Variants in TAB2 observed in about 807,000 individuals in gnomAD.
TAB2 encodes TGF-beta activated kinase 1 (MAP3K7) binding protein 2, also known as TGF-beta-activated kinase 1 and MAP3K7-binding protein 2.
Under a neutral mutation model 65.0 loss-of-function variants are expected in TAB2, and 3 were observed. The observed-to-expected ratio is 0.05, with a 90% CI of 0.02 to 0.12. TAB2 has a LOEUF of 0.12. Among genes scored for constraint, TAB2 ranks in the 10% least tolerant of loss-of-function variants. TAB2 has a pLI of 1.00. For synonymous variants in TAB2, 298 were observed against 285.1 expected, an observed-to-expected ratio of 1.05 and a Z score of -0.46; for missense variants, 623 against 840.3, an observed-to-expected ratio of 0.74 and a Z score of 3.20.
chr6:149,345,590 C>T (rs1780267668), intron 1 of TAB2, among the ~76,000 whole-genome samples: 1 of 152,084 alleles, frequency 6.6e-6, no homozygotes, highest in South Asian at 2.1e-4. Context: ...ATGACTAAAC[C>T]TCCTTGGAAT....
At chr6:149,245,902 C>T (rs1777702800) in intron 1 of TAB2, among the ~76,000 whole-genome samples, 1 of 152,110 alleles carries the variant, frequency 6.6e-6, no homozygotes, top group Non-Finnish European at 1.5e-5. Context: ...TGCGTTTACA[C>T]TTTAAAAATT....
chr6:149,365,137 T>TTTTATGCAAA (rs1780998392), intron 1 of TAB2, among the ~76,000 whole-genome samples: 1 of 152,214 alleles, frequency 6.6e-6, no homozygotes, highest in South Asian at 2.1e-4. Context: ...TGCAAACATT[T>TTTTATGCAAA]CATAAAGTAT....
chr6:149,394,338 C>T (rs931870668), intron 3 of TAB2, among the ~76,000 whole-genome samples: 1 of 152,182 alleles, frequency 6.6e-6, no homozygotes, highest in South Asian at 2.1e-4. Flanking sequence ...ATGCTGTCCA[C>T]CTTTTAAACT....
upstream of TAB2, among the ~76,000 whole-genome samples, chr6:149,218,414 C>T (rs549950): frequency 0.16 from 23,978 of 152,146 alleles, 2,398 homozygotes; most frequent in Middle Eastern, 0.23. Context: ...AAAAGAGACT[C>T]ATTTGGAATT....
At chr6:149,392,818 C>T (rs879458382) in intron 3 of TAB2, among the ~76,000 whole-genome samples, 3 of 152,154 alleles carry the variant, frequency 2.0e-5, no homozygotes, top group Non-Finnish European at 2.9e-5. Flanking sequence ...CTAATTAGAG[C>T]AAAAGTGTCT....
chr6:149,271,349 A>G (rs562433935), intron 1 of TAB2, among the ~76,000 whole-genome samples: 1 of 152,332 alleles, frequency 6.6e-6, no homozygotes. Context: ...GTGCTAGTAC[A>G]TAACTTAATC....
chr6:149,386,314 T>C (rs773999371), intron 3 of TAB2, among the ~76,000 whole-genome samples: 2 of 152,242 alleles, frequency 1.3e-5, no homozygotes, highest in Non-Finnish European at 2.9e-5. Flanking sequence ...ATAGTTAATA[T>C]ACATGCAGTT....
chr6:149,258,691 C>T (rs1035160046), intron 1 of TAB2, among the ~76,000 whole-genome samples: 2 of 152,164 alleles, frequency 1.3e-5, no homozygotes, highest in African/African-American at 2.4e-5. Context: ...AAAGAAATTA[C>T]CATATGCCTA....
chr6:149,388,412 A>G (rs549122521), intron 3 of TAB2, among the ~76,000 whole-genome samples: 2 of 152,380 alleles, frequency 1.3e-5, no homozygotes, highest in South Asian at 4.1e-4. Context: ...AATGTGGGGA[A>G]GGACACTAAT....
chr6:149,326,628 A>T (rs1319512528), intron 1 of TAB2, among the ~76,000 whole-genome samples: 2 of 151,772 alleles, frequency 1.3e-5, no homozygotes, highest in East Asian at 3.9e-4. Flanking sequence ...GCTCACTGCA[A>T]CCTTTGCCTC....
At chr6:149,247,872 G>T (rs1777757146) in intron 1 of TAB2, 1 of 152,184 alleles carries the variant, frequency 6.6e-6, no homozygotes, top group Non-Finnish European at 1.5e-5. Flanking sequence ...AATCCGCTGG[G>T]ATACAGGGAG....
chr6:149,345,377 A>G (rs1339194644), intron 1 of TAB2, among the ~76,000 whole-genome samples: 1 of 152,196 alleles, frequency 6.6e-6, no homozygotes, highest in Non-Finnish European at 1.5e-5. Context: ...CTGCACATCC[A>G]TAACAGTTTC....
chr6:149,385,470 A>G (rs1781760082), intron 3 of TAB2, among the ~76,000 whole-genome samples: 1 of 152,238 alleles, frequency 6.6e-6, no homozygotes, highest in Non-Finnish European at 1.5e-5. Flanking sequence ...AAGACCAGCC[A>G]GGGCAATGTA....
intron 1 of TAB2, among the ~76,000 whole-genome samples, chr6:149,301,179 G>A (rs1315892576): frequency 3.3e-5 from 5 of 152,214 alleles, no homozygotes; most frequent in African/African-American, 7.2e-5. Context: ...AACATTACCA[G>A]GGACAAATCC....
At position 149,343,136 on chromosome 6, in the gene TAB2, A is replaced by G. The variant is rs370585008; in HGVS notation, c.-90+25121A>G. 6.6e-4 allele frequency among the ~76,000 whole-genome samples: 101 copies of G among 152,248 alleles called. No homozygotes were observed. In the South Asian group the frequency reaches 0.012, roughly 17 times the overall value. On this transcript the variant is annotated intron_variant, in intron 1 of 6. Coordinates refer to ENST00000637181, the MANE Select transcript of TAB2 (RefSeq NM_001292034.3). ...AAAAAAAATTGAAAAACAAACATCA[A>G]CAACAACAAAACTGCCTTTCTTTAA... is the stretch of plus-strand genomic sequence containing the variant.
chr6:149,316,805 C>T (rs983187848), upstream of TAB2, among the ~76,000 whole-genome samples: 2 of 152,032 alleles, frequency 1.3e-5, no homozygotes, highest in Non-Finnish European at 2.9e-5. Flanking sequence ...TTCTTTTTTC[C>T]CCCTCAACTG....
chr6:149,355,301 T>C (rs753264271), intron 1 of TAB2, among the ~76,000 whole-genome samples: 1 of 152,198 alleles, frequency 6.6e-6, no homozygotes, highest in African/African-American at 2.4e-5. Context: ...ATTAATAAAT[T>C]ACAGTTTGAA....
chr6:149,233,814 C>T (rs1412443262), intron 1 of TAB2, among the ~76,000 whole-genome samples: 1 of 152,186 alleles, frequency 6.6e-6, no homozygotes, highest in African/African-American at 2.4e-5. Flanking sequence ...ATTACTTCTG[C>T]ACCAACCTAA....
At position 149,378,138 on chromosome 6, in the gene TAB2, A is replaced by G; in HGVS notation, c.223A>G (p.Met75Val). The stretch of plus-strand genomic sequence containing the variant: ...TGGAATTTCTGGTCTACGCAATCAC[A>G]TGACTTCTCTCAACTTGGACTTGCA... ...DSGISGLRNHMTSLNLDLQSQ... is the reference protein window; with the variant it reads ...DSGISGLRNHVTSLNLDLQSQ... Residue 75 changes from methionine to valine, a missense_variant, in exon 3 of 7, where the codon ATG becomes GTG. Physicochemically the swap from Met to Val is conservative, Grantham distance 21 (BLOSUM62 1). Coordinates refer to ENST00000637181, the MANE Select transcript of TAB2 (RefSeq NM_001292034.3). The G allele has an allele frequency of 3.7e-6, 6 of 1,614,232 alleles. No homozygotes were observed. Among genetic ancestry groups the G allele is most frequent in the Non-Finnish European group, 5.1e-6 (6 of 1,180,040 alleles).
Sources: allele counts gnomAD v4.1 joint callset (sites outside exome capture counted in the v4.1 genomes callset), GRCh38; gene constraint gnomAD v4.1.1; transcripts MANE v1.5; gene names NCBI Gene and HGNC (gene_info 2026-07-23, HGNC 2026-07-21).